The following CCDC134 variants were observed in gnomAD, a reference collection of about 807,000 sequenced individuals.
CCDC134 encodes coiled-coil domain-containing protein 134.
A neutral mutation model predicts 25.6 loss-of-function variants in CCDC134; 27 were observed. That is an observed-to-expected ratio of 1.05 (90% CI 0.78 to 1.45). The LOEUF is 1.45. CCDC134 is among the 40% of genes most tolerant of loss of function. The pLI is 0.00. For synonymous variants in CCDC134, 110 were observed against 115.0 expected (o/e 0.96, Z 0.28); for missense variants, 261 against 286.7 (o/e 0.91, Z 0.65).
Position 41,825,796 on chromosome 22 carries a change from G to A in CCDC134, c.663G>A (p.Arg221=), listed in dbSNP as rs966730695. The A allele has an allele frequency of 4.3e-6, 7 of 1,614,078 alleles. No individual in the cohort carries two copies. The highest frequency in any genetic ancestry group is 1.3e-5 in the African/African-American group (1 of 74,934). ...EKRKEIRKGP[R]ISRSQSEL is the part of the protein sequence containing the mutation. ...GGAAGGAGATCCGAAAAGGCCCAAGGATCTCCAGATCCCAGTCTGAGTTAT... is the reference window on the plus strand; with the variant it reads ...GGAAGGAGATCCGAAAAGGCCCAAGAATCTCCAGATCCCAGTCTGAGTTAT... The change falls in exon 7 of 7, where the codon AGG becomes AGA. Residue 221 remains arginine (R), a synonymous_variant. Transcript: ENST00000255784. This position sits in a 1 kb window ranked among gnomAD's most constrained non-coding sequence, Gnocchi z 4.4.
intron 1 of CCDC134, among the ~76,000 whole-genome samples, chr22:41,803,618 A>G (rs1244807013): frequency 6.6e-6 from 1 of 151,962 alleles, no homozygotes; most frequent in Non-Finnish European, 1.5e-5. Flanking sequence ...AAATACAAAA[A>G]TTAGCCAGGC....
chr22:41,810,022 C>T, intron 3 of CCDC134, 22 bp downstream of exon 3: 1 of 1,613,384 alleles, frequency 6.2e-7, no homozygotes, highest in Non-Finnish European at 8.5e-7. Context: ...CAGGGGGCAG[C>T]TCATGGCAGG....
chr22:41,810,130 G>T (rs2076587453), intron 3 of CCDC134, 77 bp from the exon 4 acceptor site: 1 of 1,592,010 alleles, frequency 6.3e-7, no homozygotes, highest in African/African-American at 1.3e-5. Context: ...ACTTGAAGTG[G>T]GGTTTAAATA....
In CCDC134 at chr22:41,829,070, G is replaced by C. The variant is rs1348836147; in HGVS notation, c.*3247G>C. On this transcript the variant is annotated 3_prime_UTR_variant, in exon 7 of 7. Transcript: ENST00000255784. ...TTGTAGGCTATTTTAGCAGCATCCC[G>C]GCCTCTCCCTGCCAGGTGCCTGTAG... Among the ~76,000 whole-genome samples the C allele has an allele frequency of 6.6e-6, 1 of 152,132 alleles. No individual in the cohort carries two copies. The highest frequency in any genetic ancestry group is 1.5e-5 in the Non-Finnish European group (1 of 68,024).
chr22:41,823,897 C>T (rs1297961180), intron 6 of CCDC134, among the ~76,000 whole-genome samples: 1 of 152,236 alleles, frequency 6.6e-6, no homozygotes, highest in Non-Finnish European at 1.5e-5. Context: ...GGCCAGGAAT[C>T]GATTGTTTTT....
chr22:41,813,792 C>G lies in CCDC134; in HGVS notation c.534C>G (p.Phe178Leu), dbSNP rs1277581720. Residue 178 changes from phenylalanine (F) to leucine (L), a missense_variant, in exon 6 of 7, where the codon TTC (phenylalanine) becomes TTG (leucine). Coordinates refer to ENST00000255784, the MANE Select transcript of CCDC134 (RefSeq NM_024821.5). ...GGATCAGTGAGAAAGACTCCAACTT[C>G]CAGAACCCATTTAAAATCGACCGCA... Reference protein sequence around the residue: ...ELGISEKDSNFQNPFKIDRTE... With the variant: ...ELGISEKDSNLQNPFKIDRTE... 4 of 1,614,092 alleles carry G rather than the reference C, an allele frequency of 2.5e-6. No individual in the cohort carries two copies. Among genetic ancestry groups the G allele is most frequent in the East Asian group, 4.5e-5 (2 of 44,896 alleles).
chr22:41,813,881 G>A (rs1396002172), intron 6 of CCDC134, 59 bp downstream of exon 6: 5 of 1,509,272 alleles, frequency 3.3e-6, no homozygotes, highest in Non-Finnish European at 4.6e-6. Flanking sequence ...ATAGGACACC[G>A]AGGCCTGCAG....
chr22:41,816,734 A>G (rs1015134541), intron 6 of CCDC134, among the ~76,000 whole-genome samples: 10 of 152,204 alleles, frequency 6.6e-5, no homozygotes, highest in Non-Finnish European at 1.3e-4. Flanking sequence ...CCTGGCCAAC[A>G]TGGTGAAACC....
At chr22:41,813,129 C>A in intron 4 of CCDC134, 135 bp from the exon 5 acceptor site, 1 of 816,254 alleles carries the variant, frequency 1.2e-6, no homozygotes, top group Non-Finnish European at 2.0e-6. Flanking sequence ...GATTGGCAGC[C>A]TGTGGTCAGT....
Position 41,831,017 on chromosome 22 carries a change from C to G in CCDC134, c.*5194C>G, listed in dbSNP as rs1427010693. ...TCTCCTGCCTCAGCTTCCTGAGTAG[C>G]TGGGATTACAGGCATGCACCATCAC... On this transcript the variant is annotated 3_prime_UTR_variant, in exon 7 of 7. Coordinates refer to ENST00000255784, the MANE Select transcript of CCDC134 (RefSeq NM_024821.5). Among the ~76,000 whole-genome samples, 1 of 151,036 alleles carries G rather than the reference C, an allele frequency of 6.6e-6. No individual in the cohort carries two copies. Among genetic ancestry groups the G allele is most frequent in the Non-Finnish European group, 1.5e-5 (1 of 67,932 alleles).
At chr22:41,805,341 A>G (rs999024585) in intron 1 of CCDC134, among the ~76,000 whole-genome samples, 8 of 152,184 alleles carry the variant, frequency 5.3e-5, no homozygotes, top group African/African-American at 7.2e-5. Flanking sequence ...CTGAGGAAGG[A>G]GAATTGATTG....
At chr22:41,801,187 C>T (rs1425202364) in intron 1 of CCDC134, among the ~76,000 whole-genome samples, 6 of 152,170 alleles carry the variant, frequency 3.9e-5, no homozygotes, top group Non-Finnish European at 8.8e-5. Flanking sequence ...CTCCTTGGCC[C>T]CTAAAGTTTT....
At chr22:41,817,824 G>A (rs2076630089) in intron 6 of CCDC134, among the ~76,000 whole-genome samples, 1 of 152,176 alleles carries the variant, frequency 6.6e-6, no homozygotes, top group Non-Finnish European at 1.5e-5. Flanking sequence ...AGATGACCAG[G>A]ACACTGACAA....
chr22:41,827,903 GGTT>G lies in CCDC134; in HGVS notation c.*2083_*2085del, dbSNP rs1165285937. 6.6e-6 allele frequency among the ~76,000 whole-genome samples: 1 copy of G among 152,166 alleles called. No individual in the cohort carries two copies. Among genetic ancestry groups the G allele is most frequent in the Non-Finnish European group, 1.5e-5 (1 of 68,020 alleles). On this transcript the variant is annotated 3_prime_UTR_variant, in exon 7 of 7. Transcript: ENST00000255784. ...CGCTGTCCTTTTCATGCTAGAGAGT[GGTT>G]GTGGTTGCTGACTTAGCAGAGAAGG...
Position 41,831,021 on chromosome 22 carries a change from G to T in CCDC134, c.*5198G>T, listed in dbSNP as rs149342959. 1.5e-3 allele frequency among the ~76,000 whole-genome samples: 232 copies of T among 151,772 alleles called. No individual in the cohort carries two copies. Among genetic ancestry groups the T allele is most frequent in the African/African-American group, 5.1e-3 (209 of 41,340 alleles). Reference sequence around the variant, plus strand: ...CTGCCTCAGCTTCCTGAGTAGCTGGGATTACAGGCATGCACCATCACGCCT... The same window carrying T: ...CTGCCTCAGCTTCCTGAGTAGCTGGTATTACAGGCATGCACCATCACGCCT... On this transcript the variant is annotated 3_prime_UTR_variant, in exon 7 of 7. Transcript: ENST00000255784.
rs2076692821 is a variant in CCDC134, at chr22:41,829,060, G to A, written c.*3237G>A. Among the ~76,000 whole-genome samples the A allele has an allele frequency of 6.6e-6, 1 of 152,182 alleles. No homozygotes were observed. The highest frequency in any genetic ancestry group is 6.5e-5 in the Admixed American group (1 of 15,276). Reference sequence around the variant, plus strand: ...GTCCTGTGTGTTGTAGGCTATTTTAGCAGCATCCCGGCCTCTCCCTGCCAG... The same window carrying A: ...GTCCTGTGTGTTGTAGGCTATTTTAACAGCATCCCGGCCTCTCCCTGCCAG... On this transcript the variant is annotated 3_prime_UTR_variant, in exon 7 of 7. Transcript: ENST00000255784.
intron 6 of CCDC134, among the ~76,000 whole-genome samples, chr22:41,816,672 T>A (rs2076624163): frequency 6.6e-6 from 1 of 152,146 alleles, no homozygotes; most frequent in African/African-American, 2.4e-5. Context: ...AATCCATGTG[T>A]CCTTGGGAGA....
intron 6 of CCDC134, among the ~76,000 whole-genome samples, chr22:41,817,801 G>C (rs1210601248): frequency 2.0e-5 from 3 of 152,166 alleles, no homozygotes; most frequent in African/African-American, 7.2e-5. Flanking sequence ...TGATCTGCCA[G>C]TTTGTAATCT....
intron 1 of CCDC134, among the ~76,000 whole-genome samples, chr22:41,805,181 T>G (rs5996069): frequency 0.74 from 112,081 of 152,200 alleles, 41,862 homozygotes; most frequent in African/African-American, 0.83. Flanking sequence ...CTGTAATCCT[T>G]TCACTGTGGG....
Sources: gnomAD v4.1 joint callset for allele counts (sites outside exome capture counted in the v4.1 genomes callset) on GRCh38, gnomAD v4.1.1 for gene constraint, Gnocchi (gnomAD v3.1) non-coding constraint, MANE v1.5 for transcripts, NCBI Gene and HGNC (gene_info 2026-07-23, HGNC 2026-07-21) for gene names.